AKAP6: variants seen among roughly 807,000 people sequenced by gnomAD.
AKAP6 encodes the protein A-kinase anchoring protein 6.
A neutral mutation model predicts 188.5 loss-of-function variants in AKAP6; 58 were observed. That is an observed-to-expected ratio of 0.31 (90% confidence interval 0.25 to 0.38). The LOEUF (loss-of-function observed/expected upper bound fraction) is 0.38, where lower values mean the gene tolerates loss of function less well. Among genes scored for constraint, AKAP6 ranks in the 10% least tolerant of loss-of-function variants. The pLI, the probability that AKAP6 is intolerant of heterozygous loss-of-function variation, is 1.00. For synonymous variants in AKAP6, 989 were observed against 998.6 expected (o/e 0.99, Z 0.18); for missense variants, 2,710 against 2,740.0 (o/e 0.99, Z 0.24).
At chr14:32,739,485 T>C (rs2031582177) in intron 11 of AKAP6, among the ~76,000 whole-genome samples, 1 of 152,088 alleles carries the variant, frequency 6.6e-6, no homozygotes, top group African/African-American at 2.4e-5. Context: ...ATTCTATTTT[T>C]TTCTTTGTAC....
intron 11 of AKAP6, among the ~76,000 whole-genome samples, chr14:32,751,339 A>C (rs930083260): frequency 6.6e-6 from 1 of 152,076 alleles, no homozygotes; most frequent in African/African-American, 2.4e-5. Flanking sequence ...CTGAATATAA[A>C]ATTTTTCTAA....
chr14:32,350,559 CTGGTG>C (rs937967023), intron 1 of AKAP6, among the ~76,000 whole-genome samples: 1 of 152,062 alleles, frequency 6.6e-6, no homozygotes, highest in Non-Finnish European at 1.5e-5. Flanking sequence ...AATGAAAAAA[CTGGTG>C]AAATACAAAT....
At chr14:32,701,012 A>AT (rs1401105982) in intron 9 of AKAP6, among the ~76,000 whole-genome samples, 1 of 152,184 alleles carries the variant, frequency 6.6e-6, no homozygotes, top group African/African-American at 2.4e-5. Flanking sequence ...TATACTAAAG[A>AT]TTTTGTACTT....
chr14:32,500,694 CTG>C (rs1044192802), intron 2 of AKAP6, among the ~76,000 whole-genome samples: 2 of 152,128 alleles, frequency 1.3e-5, no homozygotes, highest in African/African-American at 4.8e-5. Context: ...GGGGAAAAGT[CTG>C]TATCAAAAGG....
chr14:32,647,856 T>C (rs1888047624), intron 7 of AKAP6, among the ~76,000 whole-genome samples: 1 of 152,046 alleles, frequency 6.6e-6, no homozygotes, highest in South Asian at 2.1e-4. Flanking sequence ...GTAGCCCTCC[T>C]GAAGTTAATC....
intron 3 of AKAP6, among the ~76,000 whole-genome samples, chr14:32,540,087 C>T (rs1334865187): frequency 7.3e-6 from 1 of 136,184 alleles, no homozygotes; most frequent in Non-Finnish European, 1.5e-5. Context: ...AAATGTCTTG[C>T]TTAGAATTAG....
chr14:32,467,763 C>G (rs1405454395), intron 2 of AKAP6, among the ~76,000 whole-genome samples: 1 of 152,048 alleles, frequency 6.6e-6, no homozygotes, highest in African/African-American at 2.4e-5. Flanking sequence ...GTCTGTAATT[C>G]CTGCAATATC....
At chr14:32,817,888 C>T (rs938193214) in intron 12 of AKAP6, among the ~76,000 whole-genome samples, 7 of 152,166 alleles carry the variant, frequency 4.6e-5, no homozygotes, top group Non-Finnish European at 8.8e-5. Flanking sequence ...CTATCAGTTA[C>T]ATCTTTGTAT....
At chr14:32,611,494 A>T (rs769938780) in intron 7 of AKAP6, among the ~76,000 whole-genome samples, 2 of 152,202 alleles carry the variant, frequency 1.3e-5, no homozygotes, top group Non-Finnish European at 2.9e-5. Flanking sequence ...AATGTTAAGG[A>T]TGTAGGTTTG....
At chr14:32,778,013 T>G (rs2033121163) in intron 12 of AKAP6, among the ~76,000 whole-genome samples, 2 of 152,172 alleles carry the variant, frequency 1.3e-5, no homozygotes. Flanking sequence ...CACTCTAGCC[T>G]GGATGACAGT....
intron 5 of AKAP6, among the ~76,000 whole-genome samples, chr14:32,588,846 TATATC>T (rs1885362003): frequency 6.6e-6 from 1 of 152,242 alleles, no homozygotes; most frequent in African/African-American, 2.4e-5. Context: ...ATCTTCATGT[TATATC>T]ATATTTCTGA....
intron 3 of AKAP6, 38 bp downstream of exon 3, chr14:32,535,843 G>T: frequency 6.3e-7 from 1 of 1,579,648 alleles, no homozygotes. Context: ...TGCATTTCCA[G>T]GTATGACCAA....
In AKAP6 at chr14:32,433,581, A is replaced by G; in HGVS notation, c.88A>G (p.Met30Val). The change falls in exon 2 of 14, where the codon ATG becomes GTG. Residue 30 changes from methionine to valine, a missense_variant. Transcript: ENST00000280979. ...ATDASPMAIN[M>V]TPTVEQGEGE... is the part of the protein sequence containing the mutation. ...TGATGCTTCACCCATGGCCATCAAC[A>G]TGACACCCACTGTGGAGCAGGGTGA... 1.2e-6 allele frequency: 2 copies of G among 1,614,134 alleles called. No individual in the cohort carries two copies. The highest frequency in any genetic ancestry group is 1.7e-6 in the Non-Finnish European group (2 of 1,180,004).
chr14:32,405,699 T>TAGTG (rs71115067), intron 1 of AKAP6, among the ~76,000 whole-genome samples: 141,677 of 151,724 alleles, frequency 0.93, 66,802 homozygotes, highest in East Asian at 1. Flanking sequence ...GTTCTTGTGA[T>TAGTG]AGTGAGTTCT....
At chr14:32,408,160 CG>C (rs1331629695) in intron 1 of AKAP6, among the ~76,000 whole-genome samples, 1 of 152,062 alleles carries the variant, frequency 6.6e-6, no homozygotes, top group Non-Finnish European at 1.5e-5. Context: ...TGGCTAGCAG[CG>C]GGGAGTGGGT....
At position 32,763,045 on chromosome 14, in the gene AKAP6, TTATAA is replaced by T. The variant is rs771056319; in HGVS notation, c.3373-10629_3373-10625del. Among the ~76,000 whole-genome samples, 37 of 152,116 alleles carry T rather than the reference TTATAA, an allele frequency of 2.4e-4. 1 individual carries two copies. Among genetic ancestry groups the T allele is most frequent in the Admixed American group, 1.9e-3 (29 of 15,282 alleles). ...AATAATTTAGTGTTTGAATCTAGACTTATAATATCATGTACAATGTCGAAACTATT... is the reference window on the plus strand; with the variant it reads ...AATAATTTAGTGTTTGAATCTAGACTTATCATGTACAATGTCGAAACTATT... On this transcript the variant is annotated intron_variant, in intron 11 of 13. Transcript: ENST00000280979.
chr14:32,583,286 G>T (rs866696905), intron 5 of AKAP6, among the ~76,000 whole-genome samples: 2 of 152,132 alleles, frequency 1.3e-5, no homozygotes, highest in Admixed American at 6.5e-5. Context: ...TATCAGCAGC[G>T]GTGGCTGCAG....
intron 7 of AKAP6, among the ~76,000 whole-genome samples, chr14:32,653,440 GT>G (rs1459273030): frequency 2.6e-5 from 4 of 151,986 alleles, no homozygotes; most frequent in Non-Finnish European, 4.4e-5. Flanking sequence ...ATTTAAAAGT[GT>G]TTGACACCTC....
chr14:32,498,458 A>G (rs1880439586), intron 2 of AKAP6, among the ~76,000 whole-genome samples: 1 of 152,202 alleles, frequency 6.6e-6, no homozygotes, highest in Non-Finnish European at 1.5e-5. Flanking sequence ...ATCAATATGT[A>G]TATCAACATC....
Sources: gnomAD v4.1 joint callset for allele counts (sites outside exome capture counted in the v4.1 genomes callset) on GRCh38, gnomAD v4.1.1 for gene constraint, MANE v1.5 for transcripts, NCBI Gene and HGNC (gene_info 2026-07-23, HGNC 2026-07-21) for gene names.